Variants in GALNT15 observed in about 807,000 individuals in gnomAD.
GALNT15 encodes polypeptide N-acetylgalactosaminyltransferase 15.
A neutral mutation model predicts 66.8 loss-of-function variants in GALNT15; 67 were observed. The observed-to-expected ratio is 1.00, with a 90% CI of 0.82 to 1.23. The LOEUF (loss-of-function observed/expected upper bound fraction) is 1.23. Ranked by LOEUF, GALNT15 falls within the 50% of genes most tolerant of loss-of-function variation. GALNT15 has a pLI of 0.00. For synonymous variants in GALNT15, 313 were observed against 311.5 expected (o/e 1.00, Z -0.05); for missense variants, 827 against 804.3 (o/e 1.03, Z -0.34).
chr3:16,200,703 TCAGGGCCCGGATGCTGGGGGCCAC>T lies in GALNT15; in HGVS notation c.795_818del (p.Arg267_Ala274del). 2 of 1,610,642 alleles carry T rather than the reference TCAGGGCCCGGATGCTGGGGGCCAC, an allele frequency of 1.2e-6. No individual in the cohort carries two copies. Among genetic ancestry groups the T allele is most frequent in the Non-Finnish European group, 1.7e-6 (2 of 1,178,520 alleles). ...AGGAGCAACAAGAGGCTGGGTGCCA[TCAGGGCCCGGATGCTGGGGGCCAC>T]CAGAGCCACCGGGGATGTGCTCGTC... On this transcript the variant is annotated inframe_deletion, in exon 3 of 10. Transcript: ENST00000339732. This position sits in a 1 kb window ranked among gnomAD's most constrained non-coding sequence, Gnocchi z 4.4.
chr3:16,217,079 T>A (rs912432911), intron 6 of GALNT15, among the ~76,000 whole-genome samples: 1 of 152,200 alleles, frequency 6.6e-6, no homozygotes, highest in Non-Finnish European at 1.5e-5. Flanking sequence ...AGCTACCTAA[T>A]AAAACACTCT....
Position 16,225,058 on chromosome 3 carries a change from G to A in GALNT15, c.1774-2296G>A, listed in dbSNP as rs895112091. Among the ~76,000 whole-genome samples the A allele has an allele frequency of 1.3e-5, 2 of 152,166 alleles. No homozygotes were observed. The highest frequency in any genetic ancestry group is 2.1e-4 in the South Asian group (1 of 4,828). On this transcript the variant is annotated intron_variant, in intron 9 of 9. Transcript: ENST00000339732. This position sits in a 1 kb window ranked among gnomAD's most constrained non-coding sequence, Gnocchi z 4.4. The stretch of plus-strand genomic sequence containing the variant: ...AGGAAGCATAGTGGCATCTGCTTCT[G>A]GGGAGGCCTCAGAGAGCTTTTACTT...
intron 1 of GALNT15, among the ~76,000 whole-genome samples, chr3:16,177,948 G>A (rs911261389): frequency 1.3e-5 from 2 of 152,144 alleles, no homozygotes; most frequent in Non-Finnish European, 2.9e-5. Flanking sequence ...TGCTGTGCAC[G>A]TATTTGTGTG....
In GALNT15 at chr3:16,188,667, G is replaced by A. The variant is rs1246453399; in HGVS notation, c.540-7093G>A. ...ACCTTTCAAAGATCTTTGTTGGCTG[G>A]ACCTTAGCCAGCTTCCTAGGTTTCC... On this transcript the variant is annotated intron_variant, in intron 1 of 9. Transcript: ENST00000339732. This position sits in a 1 kb window ranked among gnomAD's most constrained non-coding sequence, Gnocchi z 4.6. Among the ~76,000 whole-genome samples, 1 of 152,100 alleles carries A rather than the reference G, an allele frequency of 6.6e-6. No homozygotes were observed. The highest frequency in any genetic ancestry group is 1.5e-5 in the Non-Finnish European group (1 of 67,998).
In GALNT15 at chr3:16,219,980, T is replaced by A; in HGVS notation, c.1595T>A (p.Val532Glu). Reference sequence around the variant, plus strand: ...GGGGACATCCTGGGCTGTCCCATGGTGTTGGCTCCTTGCAGTGACAGCCGG... The same window carrying A: ...GGGGACATCCTGGGCTGTCCCATGGAGTTGGCTCCTTGCAGTGACAGCCGG... ...AEGDILGCPM[V>E]LAPCSDSRQQ... Residue 532 changes from valine to glutamate, a missense_variant, in exon 8 of 10, where the codon GTG (valine) becomes GAG (glutamate). Physicochemically the swap from Val to Glu is moderately radical, Grantham distance 121. Coordinates refer to ENST00000339732, the MANE Select transcript of GALNT15 (RefSeq NM_054110.5). This position sits in a 1 kb window ranked among gnomAD's most constrained non-coding sequence, Gnocchi z 4.3. The A allele has an allele frequency of 6.2e-7, 1 of 1,614,228 alleles. No individual in the cohort carries two copies. Among genetic ancestry groups the A allele is most frequent in the Non-Finnish European group, 8.5e-7 (1 of 1,180,028 alleles).
In GALNT15 at chr3:16,204,285, A is replaced by G. The variant is rs1157869473; in HGVS notation, c.911+3462A>G. ...ATTCCTCCTGACTCCCATTCCTCAGAAAATTGGTCATAATATACTGATTTT... is the reference window on the plus strand; with the variant it reads ...ATTCCTCCTGACTCCCATTCCTCAGGAAATTGGTCATAATATACTGATTTT... On this transcript the variant is annotated intron_variant, in intron 3 of 9. Coordinates refer to ENST00000339732, the MANE Select transcript of GALNT15 (RefSeq NM_054110.5). This position sits in a 1 kb window ranked among gnomAD's most constrained non-coding sequence, Gnocchi z 4.5. 6.6e-6 allele frequency among the ~76,000 whole-genome samples: 1 copy of G among 152,202 alleles called. No individual in the cohort carries two copies.
In GALNT15 at chr3:16,200,503, T is replaced by C. The variant is rs1463313877; in HGVS notation, c.707-116T>C. 1.3e-6 allele frequency: 1 copy of C among 748,464 alleles called. No individual in the cohort carries two copies. Among genetic ancestry groups the C allele is most frequent in the African/African-American group, 1.8e-5 (1 of 54,970 alleles). The allele number at this position is 748,464 out of a possible 1,614,324, so 46.4% of individuals were successfully genotyped here. On this transcript the variant is annotated intron_variant, in intron 2 of 9. Transcript: ENST00000339732. The surrounding 1 kb of genome is among the most constrained non-coding windows in gnomAD (Gnocchi z 4.4). ...ACACTGTAGTAATGTTTTCGGTTCT[T>C]AGGACCCAGGTGCTCACCACAGCTT...
In GALNT15 at chr3:16,189,116, T is replaced by C. The variant is rs1304741152; in HGVS notation, c.540-6644T>C. Reference sequence around the variant, plus strand: ...AAAAAAAGGAAGCCACCAAAGCCACTGGATGAGCAAGAAGATTGGAGAGCT... The same window carrying C: ...AAAAAAAGGAAGCCACCAAAGCCACCGGATGAGCAAGAAGATTGGAGAGCT... On this transcript the variant is annotated intron_variant, in intron 1 of 9. Transcript: ENST00000339732. The surrounding 1 kb of genome is among the most constrained non-coding windows in gnomAD (Gnocchi z 5.1). 6.6e-6 allele frequency among the ~76,000 whole-genome samples: 1 copy of C among 152,162 alleles called. No individual in the cohort carries two copies. Among genetic ancestry groups the C allele is most frequent in the Non-Finnish European group, 1.5e-5 (1 of 68,010 alleles).
At chr3:16,232,086 A>T, downstream of GALNT15, 1 of 858,876 alleles carries the variant, frequency 1.2e-6, no homozygotes, top group South Asian at 1.9e-5. Context: ...GATTATCCAA[A>T]ATTCTCCAAA....
At position 16,183,422 on chromosome 3, in the gene GALNT15, A is replaced by G. The variant is rs541757589; in HGVS notation, c.539+7732A>G. ...AAGTGCCACCAATTACAGGCAAGCT[A>G]GGATTTTCTTGCAATGGAGGAACTT... is the stretch of plus-strand genomic sequence containing the variant. On this transcript the variant is annotated intron_variant, in intron 1 of 9. Transcript: ENST00000339732. The surrounding 1 kb of genome is among the most constrained non-coding windows in gnomAD (Gnocchi z 5.2). Among the ~76,000 whole-genome samples the G allele has an allele frequency of 1.7e-4, 26 of 152,364 alleles. No individual in the cohort carries two copies. The South Asian group carries it at 5.0e-3, about 29-fold the overall frequency.
chr3:16,221,476 C>A lies in GALNT15; in HGVS notation c.1630-1139C>A, dbSNP rs528636193. ...TGAAAGTAGAGGAATTGGACATGGG[C>A]GAAGCTGCCCTACCAAGTGTGAGGG... On this transcript the variant is annotated intron_variant, in intron 8 of 9. Coordinates refer to ENST00000339732, the MANE Select transcript of GALNT15 (RefSeq NM_054110.5). 2.0e-5 allele frequency among the ~76,000 whole-genome samples: 3 copies of A among 152,164 alleles called. No individual in the cohort carries two copies. In the East Asian group the frequency reaches 5.8e-4, roughly 29 times the overall value.
chr3:16,208,423 G>A, intron 3 of GALNT15, 80 bp from the exon 4 acceptor site: 2 of 1,452,454 alleles, frequency 1.4e-6, no homozygotes, highest in Non-Finnish European at 1.9e-6. Context: ...CACCATACTG[G>A]GCAGCCCATG....
intron 2 of GALNT15, among the ~76,000 whole-genome samples, chr3:16,199,585 T>G (rs2063676796): frequency 1.4e-5 from 2 of 139,698 alleles, no homozygotes; most frequent in Admixed American, 7.3e-5. Flanking sequence ...TTTTTGAGGG[T>G]GTACTCTCAG....
At chr3:16,243,404 G>T in the GALNT15 span, among the ~76,000 whole-genome samples, 1 of 152,244 alleles carries the variant, frequency 6.6e-6, no homozygotes, top group African/African-American at 2.4e-5. Context: ...TTGCCAAATG[G>T]CTCCCAGAGA....
rs980501108 is a variant in GALNT15, at chr3:16,193,144, C to G, written c.540-2616C>G. Among the ~76,000 whole-genome samples the G allele has an allele frequency of 1.3e-5, 2 of 152,172 alleles. No homozygotes were observed. The highest frequency in any genetic ancestry group is 4.8e-5 in the African/African-American group (2 of 41,458). On this transcript the variant is annotated intron_variant, in intron 1 of 9. Coordinates refer to ENST00000339732, the MANE Select transcript of GALNT15 (RefSeq NM_054110.5). The surrounding 1 kb of genome is among the most constrained non-coding windows in gnomAD (Gnocchi z 4.7). ...AAGTGGGAATTGAAAGAAAAAATTA[C>G]TAGAAAGAGTGTTGCTTTCCCCAAA...
intron 6 of GALNT15, among the ~76,000 whole-genome samples, chr3:16,215,906 C>CAA (rs10611187): frequency 5.2e-4 from 53 of 102,606 alleles, no homozygotes; most frequent in African/African-American, 1.7e-3. Context: ...GAGACTCCGC[C>CAA]AAAAAAAAAA....
At chr3:16,241,448 T>C in the GALNT15 span, among the ~76,000 whole-genome samples, 28 of 152,230 alleles carry the variant, frequency 1.8e-4, no homozygotes, top group African/African-American at 6.5e-4. The surrounding 1 kb of genome is among the most constrained non-coding windows in gnomAD (Gnocchi z 4.6). Context: ...ACTCTCCACA[T>C]GTGGCTGTAG....
downstream of GALNT15, among the ~76,000 whole-genome samples, chr3:16,236,870 A>G (rs2064128388): frequency 6.6e-6 from 1 of 152,240 alleles, no homozygotes; most frequent in Non-Finnish European, 1.5e-5. Flanking sequence ...TTTCTTAATG[A>G]GACCACAGCT....
Position 16,187,079 on chromosome 3 carries a change from C to G in GALNT15, c.540-8681C>G, listed in dbSNP as rs1037343835. On this transcript the variant is annotated intron_variant, in intron 1 of 9. Coordinates refer to ENST00000339732, the MANE Select transcript of GALNT15 (RefSeq NM_054110.5). The surrounding 1 kb of genome is among the most constrained non-coding windows in gnomAD (Gnocchi z 5.1). ...AGGAGTTCAAGACCAGCCTGACCAACATGGTGAAACCCCGTCTCTACAAAA... is the reference window on the plus strand; with the variant it reads ...AGGAGTTCAAGACCAGCCTGACCAAGATGGTGAAACCCCGTCTCTACAAAA... Among the ~76,000 whole-genome samples, 6 of 152,112 alleles carry G rather than the reference C, an allele frequency of 3.9e-5. No homozygotes were observed. Among genetic ancestry groups the G allele is most frequent in the Non-Finnish European group, 7.3e-5 (5 of 68,028 alleles).
Sources: gnomAD v4.1 joint callset for allele counts (sites outside exome capture counted in the v4.1 genomes callset) on GRCh38, gnomAD v4.1.1 for gene constraint, Gnocchi (gnomAD v3.1) non-coding constraint, MANE v1.5 for transcripts, NCBI Gene and HGNC (gene_info 2026-07-23, HGNC 2026-07-21) for gene names.